Variants in IRGM observed in about 807,000 individuals in gnomAD.
The protein encoded by IRGM is immunity-related GTPase family M protein.
For synonymous variants in IRGM, 98 were observed against 80.6 expected (o/e 1.22, Z -1.16); for missense variants, 288 against 219.9 (o/e 1.31, Z -1.96).
intron 3 of IRGM, among the ~76,000 whole-genome samples, chr5:150,884,572 GCC>G (rs1754489832): frequency 6.6e-6 from 1 of 151,928 alleles, no homozygotes; most frequent in Non-Finnish European, 1.5e-5. Context: ...CCACAACCTT[GCC>G]AGCATTTGTA....
intron 1 of IRGM, among the ~76,000 whole-genome samples, chr5:150,854,817 C>T (rs1754028990): frequency 6.6e-6 from 1 of 152,082 alleles, no homozygotes; most frequent in African/African-American, 2.4e-5. Context: ...GTTCATACAG[C>T]TTCTTTGTAT....
chr5:150,898,316 T>C (rs537969297), intron 3 of IRGM: 3 of 1,593,082 alleles, frequency 1.9e-6, no homozygotes, highest in African/African-American at 2.7e-5. Flanking sequence ...TTTGCAAAGG[T>C]ATGAAGGTCA....
At chr5:150,867,699 T>C (rs568908979) in intron 1 of IRGM, among the ~76,000 whole-genome samples, 13 of 152,284 alleles carry the variant, frequency 8.5e-5, no homozygotes, top group African/African-American at 2.9e-4. Flanking sequence ...TAGTATTGCA[T>C]TGTGGTTTTG....
intron 3 of IRGM, chr5:150,898,021 C>T (rs1289159119): frequency 6.3e-7 from 1 of 1,592,060 alleles, no homozygotes; most frequent in Non-Finnish European, 8.5e-7. Flanking sequence ...AAACCTCAGG[C>T]ACCAATCAAT....
rs183558192 is a variant in IRGM, at chr5:150,897,067, G to T, written c.*141-3522G>T. On this transcript the variant is annotated intron_variant and NMD_transcript_variant, in intron 3 of 3. Transcript: ENST00000520549. ...AAATGGATGATCCAACATAGTAGAT[G>T]AACTCACAAAAAAAGGATGGAAACA... The T allele has an allele frequency of 7.2e-6, 7 of 977,774 alleles. No homozygotes were observed. The East Asian group carries it at 1.8e-4, about 25-fold the overall frequency. The allele number at this position is 977,774 out of a possible 1,614,324, so 60.6% of individuals were successfully genotyped here. A position where few individuals can be genotyped will look rare whatever the true frequency, so the allele number is the denominator to read the frequency against.
chr5:150,894,621 G>C (rs966560316), intron 3 of IRGM: 1 of 152,212 alleles, frequency 6.6e-6, no homozygotes, highest in Non-Finnish European at 1.5e-5. Context: ...AAGATAGAGA[G>C]TAAAGATTTA....
At chr5:150,882,573 A>T (rs946334621) in intron 3 of IRGM, among the ~76,000 whole-genome samples, 5 of 152,218 alleles carry the variant, frequency 3.3e-5, no homozygotes, top group African/African-American at 1.2e-4. Flanking sequence ...AGGAGTGCCT[A>T]TACTTATATC....
intron 1 of IRGM, among the ~76,000 whole-genome samples, chr5:150,857,498 C>A (rs568425195): frequency 6.6e-6 from 1 of 151,924 alleles, no homozygotes; most frequent in Non-Finnish European, 1.5e-5. Flanking sequence ...CTTGAGGAAT[C>A]GCCACACTGA....
chr5:150,901,493 C>T (rs140457821), downstream of IRGM, among the ~76,000 whole-genome samples: 410 of 152,022 alleles, frequency 2.7e-3, 1 homozygote, highest in African/African-American at 9.6e-3. Context: ...TTAGACAGCA[C>T]GGCTCTAAAA....
At chr5:150,888,813 CA>C (rs1259503866) in intron 3 of IRGM, among the ~76,000 whole-genome samples, 2 of 151,984 alleles carry the variant, frequency 1.3e-5, no homozygotes, top group African/African-American at 4.8e-5. Flanking sequence ...GAATTTTACA[CA>C]AAAAATATTG....
At chr5:150,849,548 TCAG>T (rs1753941792), downstream of IRGM, among the ~76,000 whole-genome samples, 2 of 151,720 alleles carry the variant, frequency 1.3e-5, no homozygotes. Flanking sequence ...AAAATGATCA[TCAG>T]GCTGGATTTT....
chr5:150,897,069 A>C, intron 3 of IRGM: 1 of 966,220 alleles, frequency 1.0e-6, no homozygotes, highest in Non-Finnish European at 1.5e-6. Context: ...TAGTAGATGA[A>C]CTCACAAAAA....
At chr5:150,850,572 C>G (rs1348683943), downstream of IRGM, among the ~76,000 whole-genome samples, 1 of 151,990 alleles carries the variant, frequency 6.6e-6, no homozygotes, top group African/African-American at 2.4e-5. Flanking sequence ...ATGTACCCCC[C>G]TTTTTTGAGA....
intron 3 of IRGM, chr5:150,897,032 G>T (rs1409936521): frequency 7.4e-7 from 1 of 1,350,850 alleles, no homozygotes. Flanking sequence ...AGAGGGTAAA[G>T]AAGTAGAACA....
At chr5:150,878,412 A>G (rs189101722) in intron 2 of IRGM, among the ~76,000 whole-genome samples, 3 of 152,282 alleles carry the variant, frequency 2.0e-5, no homozygotes, top group Admixed American at 2.0e-4. Context: ...GTCTTCAGGA[A>G]TAAATGACTA....
intron 1 of IRGM, among the ~76,000 whole-genome samples, chr5:150,869,181 T>C (rs12652859): frequency 0.039 from 5,926 of 152,260 alleles, 192 homozygotes; most frequent in East Asian, 0.18. Context: ...TTGTTAAGGG[T>C]TTTATTCATA....
intron 1 of IRGM, among the ~76,000 whole-genome samples, chr5:150,853,845 A>G (rs529177481): frequency 1.3e-5 from 2 of 152,054 alleles, no homozygotes; most frequent in African/African-American, 4.8e-5. Flanking sequence ...AAAACAACAT[A>G]TAATTGTATC....
At chr5:150,867,983 A>G (rs1754230997) in intron 1 of IRGM, among the ~76,000 whole-genome samples, 1 of 151,874 alleles carries the variant, frequency 6.6e-6, no homozygotes, top group Non-Finnish European at 1.5e-5. Flanking sequence ...GAAAGTTTTT[A>G]GTTTAATTAT....
chr5:150,870,850 G>A (rs1434308649), intron 1 of IRGM, among the ~76,000 whole-genome samples: 1 of 151,228 alleles, frequency 6.6e-6, no homozygotes, highest in Non-Finnish European at 1.5e-5. Flanking sequence ...TGTTATTGTT[G>A]TTTGTTTCTG....
Sources: allele counts gnomAD v4.1 joint callset (sites outside exome capture counted in the v4.1 genomes callset), GRCh38; gene constraint gnomAD v4.1.1; transcripts MANE v1.5; gene names NCBI Gene and HGNC (gene_info 2026-07-23, HGNC 2026-07-21).